The following PUM2 variants were observed in gnomAD, a reference collection of about 807,000 sequenced individuals.
The protein encoded by PUM2 is pumilio homolog 2.
PUM2 carries 57 observed loss-of-function variants against 124.5 expected under a neutral mutation model. The ratio of observed to expected loss-of-function variants is 0.46; its 90% CI spans 0.37 to 0.57. The LOEUF (loss-of-function observed/expected upper bound fraction) is 0.57. Among genes scored for constraint, PUM2 ranks in the 20% least tolerant of loss-of-function variants. PUM2 has a pLI of 0.00. For missense variants in PUM2, 1,065 were observed against 1,290.6 expected (o/e 0.83, Z 2.68); for synonymous variants, 460 against 446.1 (o/e 1.03, Z -0.39).
chr2:20,349,179 T>C (rs1688825864), intron 1 of PUM2, among the ~76,000 whole-genome samples: 1 of 152,228 alleles, frequency 6.6e-6, no homozygotes, highest in South Asian at 2.1e-4. Flanking sequence ...AAACACAGCT[T>C]AAATTGCTGG....
In PUM2 at chr2:20,258,388, A is replaced by G; in HGVS notation, c.2356-17T>C. 1 of 1,608,194 alleles carries G rather than the reference A, an allele frequency of 6.2e-7. No individual in the cohort carries two copies. Among genetic ancestry groups the G allele is most frequent in the Non-Finnish European group, 8.5e-7 (1 of 1,176,474 alleles). ...ACTCCCAAACTGACAGAAAAGATAT[A>G]ACATTAATAACAAGTGACCTTAATA... On this transcript the variant is annotated splice_polypyrimidine_tract_variant and intron_variant, in intron 15 of 20. Transcript: ENST00000361078.
chr2:20,336,379 T>A (rs1161316322), intron 1 of PUM2, among the ~76,000 whole-genome samples: 1 of 152,038 alleles, frequency 6.6e-6, no homozygotes, highest in African/African-American at 2.4e-5. Flanking sequence ...GAGACAGGGT[T>A]TTGCCATGTT....
intron 5 of PUM2, 109 bp from the exon 6 acceptor site, chr2:20,308,693 A>G: frequency 1.8e-6 from 2 of 1,109,154 alleles, no homozygotes; most frequent in Non-Finnish European, 2.5e-6. Context: ...CACAATGAAT[A>G]AGGCATTCTG....
At chr2:20,301,491 T>C (rs1221037833) in intron 7 of PUM2, among the ~76,000 whole-genome samples, 1 of 152,248 alleles carries the variant, frequency 6.6e-6, no homozygotes, top group Non-Finnish European at 1.5e-5. Context: ...AACGCATATA[T>C]ACTCATTCAT....
intron 12 of PUM2, 115 bp from the exon 13 acceptor site, chr2:20,278,934 T>A (rs1670887217): frequency 5.1e-6 from 4 of 782,420 alleles, no homozygotes; most frequent in Non-Finnish European, 2.1e-6. Context: ...TTTAGAAACA[T>A]TTTGGAGAAG....
chr2:20,297,534 T>C lies in PUM2; in HGVS notation c.1009+19A>G. 1 of 1,555,016 alleles carries C rather than the reference T, an allele frequency of 6.4e-7. No individual in the cohort carries two copies. On this transcript the variant is annotated intron_variant, in intron 8 of 20. Transcript: ENST00000361078. ...CATTAAAAAGCAACCATAATAAAGA[T>C]GAACAAATAGTATGTTACCTGCTAA...
At chr2:20,308,793 TTAA>T (rs1408791272) in intron 5 of PUM2, among the ~76,000 whole-genome samples, 1 of 152,160 alleles carries the variant, frequency 6.6e-6, no homozygotes, top group Non-Finnish European at 1.5e-5. Context: ...AAAAATATTA[TTAA>T]TGATTACTCC....
At chr2:20,295,256 C>A (rs1675235047) in intron 8 of PUM2, among the ~76,000 whole-genome samples, 1 of 152,102 alleles carries the variant, frequency 6.6e-6, no homozygotes, top group African/African-American at 2.4e-5. Flanking sequence ...GTTTTATGCA[C>A]AATAAGCTTC....
intron 7 of PUM2, among the ~76,000 whole-genome samples, chr2:20,306,607 T>C (rs1678370418): frequency 6.8e-6 from 1 of 147,688 alleles, no homozygotes; most frequent in Non-Finnish European, 1.5e-5. Context: ...ATGTGGACTT[T>C]TTTTTTTTTT....
At chr2:20,262,695 C>T (rs1666592756) in intron 14 of PUM2, among the ~76,000 whole-genome samples, 1 of 152,198 alleles carries the variant, frequency 6.6e-6, no homozygotes, top group African/African-American at 2.4e-5. Flanking sequence ...ATTTTCCTTT[C>T]TAAGCTATCT....
chr2:20,258,246 C>A lies in PUM2; in HGVS notation c.2481G>T (p.Gln827His). Residue 827 changes from glutamine (Q) to histidine (H), a missense_variant, in exon 16 of 21, where the codon CAG (glutamine) becomes CAT (histidine). Gln to His is a conservative substitution (Grantham distance 24). Around this residue, in one of 3 missense-constraint regions of PUM2, gnomAD observed 968 missense variants for 1,159.8 expected, o/e 0.83. Transcript: ENST00000361078. ...TTTTGTCTTAACTTACAATTACCTGCTGGTCAGAAGAAATAGATTCTAATG... is the reference window on the plus strand; with the variant it reads ...TTTTGTCTTAACTTACAATTACCTGATGGTCAGAAGAAATAGATTCTAATG... ...QKALESISSD[Q>H]QSEMVKELDG... 1 of 1,586,578 alleles carries A rather than the reference C, an allele frequency of 6.3e-7. No homozygotes were observed. Among genetic ancestry groups the A allele is most frequent in the South Asian group, 1.2e-5 (1 of 84,840 alleles).
chr2:20,264,367 A>AAAAAAAAAAAATATATATAT (rs1553362305), intron 13 of PUM2, among the ~76,000 whole-genome samples: 1 of 26,610 alleles, frequency 3.8e-5, no homozygotes, highest in African/African-American at 1.2e-4. Flanking sequence ...AAAAAAAAAA[A>AAAAAAAAAAAATATATATAT]ATATATATAT....
At chr2:20,254,141 TATG>T in intron 19 of PUM2, 127 bp from the exon 20 acceptor site, 1 of 807,098 alleles carries the variant, frequency 1.2e-6, no homozygotes, top group Non-Finnish European at 1.9e-6. Context: ...TCTCTTGTCT[TATG>T]ATTACTTTTA....
chr2:20,288,210 T>C (rs927070536), intron 10 of PUM2, among the ~76,000 whole-genome samples: 2 of 152,200 alleles, frequency 1.3e-5, no homozygotes, highest in Non-Finnish European at 1.5e-5. Flanking sequence ...GACTGTCTTT[T>C]ATATTTAAGG....
At chr2:20,339,572 C>G (rs956005158) in intron 1 of PUM2, among the ~76,000 whole-genome samples, 1 of 152,112 alleles carries the variant, frequency 6.6e-6, no homozygotes, top group Non-Finnish European at 1.5e-5. Flanking sequence ...CTCTCACCAT[C>G]TGATTTAAAA....
chr2:20,331,092 A>AC (rs1428218557), intron 1 of PUM2, among the ~76,000 whole-genome samples: 3 of 152,062 alleles, frequency 2.0e-5, no homozygotes, highest in Admixed American at 6.6e-5. Context: ...CAGCCCTGGC[A>AC]CACAGAAACG....
At chr2:20,269,425 T>C (rs994182456) in intron 13 of PUM2, among the ~76,000 whole-genome samples, 2 of 152,008 alleles carry the variant, frequency 1.3e-5, no homozygotes, top group African/African-American at 2.4e-5. Context: ...ATGGTCTTGA[T>C]CTCCTGACCT....
At chr2:20,307,436 A>T (rs1437550863) in intron 7 of PUM2, among the ~76,000 whole-genome samples, 1 of 152,194 alleles carries the variant, frequency 6.6e-6, no homozygotes, top group Non-Finnish European at 1.5e-5. Context: ...ATACTGCATC[A>T]ATATCATATT....
intron 1 of PUM2, among the ~76,000 whole-genome samples, chr2:20,345,001 A>AG (rs1687959631): frequency 2.7e-5 from 4 of 147,852 alleles, no homozygotes; most frequent in African/African-American, 1.0e-4. Context: ...AAAAAAAAAA[A>AG]AAAGAAAAGA....
Sources: allele counts gnomAD v4.1 joint callset (sites outside exome capture counted in the v4.1 genomes callset), GRCh38; gene constraint gnomAD v4.1.1; regional missense constraint gnomAD v4.1.1; transcripts MANE v1.5; gene names NCBI Gene and HGNC (gene_info 2026-07-23, HGNC 2026-07-21).